HDAC4: variants seen among roughly 807,000 people sequenced by gnomAD.
The protein encoded by HDAC4 is histone deacetylase A.
Under a neutral mutation model 135.1 loss-of-function variants are expected in HDAC4, and 16 were observed. That is an observed-to-expected ratio of 0.12 (90% CI 0.08 to 0.18). The LOEUF (loss-of-function observed/expected upper bound fraction) is 0.18. Among genes scored for constraint, HDAC4 ranks in the 10% least tolerant of loss-of-function variants. The pLI, the probability that HDAC4 is intolerant of heterozygous loss-of-function variation, is 1.00. For missense variants in HDAC4, 1,143 were observed against 1,511.8 expected (o/e 0.76, Z 4.05); for synonymous variants, 685 against 653.4 (o/e 1.05, Z -0.74).
intron 2 of HDAC4, among the ~76,000 whole-genome samples, chr2:239,297,577 G>A: frequency 6.6e-6 from 1 of 152,226 alleles, no homozygotes; most frequent in Admixed American, 6.5e-5. Context: ...ATCCAAAGCA[G>A]GACATGAGAA....
chr2:239,284,324 G>A lies in HDAC4; in HGVS notation c.23-47660C>T, dbSNP rs73100760. 4.0e-3 allele frequency among the ~76,000 whole-genome samples: 612 copies of A among 152,314 alleles called. 4 individuals carry two copies. Among genetic ancestry groups the A allele is most frequent in the African/African-American group, 0.014 (588 of 41,578 alleles). ...GCTGGGTGAGGGACAGAGGGAGCGG[G>A]CCAGGGAGTGGGCAGAGTGAGCCAA... On this transcript the variant is annotated intron_variant, in intron 2 of 26. Transcript: ENST00000543185.
At chr2:239,110,219 G>A (rs755712773) in intron 14 of HDAC4, among the ~76,000 whole-genome samples, 2 of 152,322 alleles carry the variant, frequency 1.3e-5, no homozygotes, top group Non-Finnish European at 2.9e-5. Context: ...GTGGCATTAC[G>A]GGCAAACGGC....
intron 2 of HDAC4, among the ~76,000 whole-genome samples, chr2:239,344,028 A>G (rs1190853601): frequency 6.6e-6 from 1 of 152,216 alleles, no homozygotes; most frequent in Non-Finnish European, 1.5e-5. Flanking sequence ...TGACTGAGCA[A>G]GCAAGTCATC....
intron 25 of HDAC4, among the ~76,000 whole-genome samples, chr2:239,054,252 G>A (rs1382923019): frequency 6.6e-6 from 1 of 152,202 alleles, no homozygotes; most frequent in East Asian, 1.9e-4. Context: ...TGTGGGAGGC[G>A]CCTCTGAGAT....
At chr2:239,277,507 A>G (rs2050438191) in intron 2 of HDAC4, among the ~76,000 whole-genome samples, 1 of 152,190 alleles carries the variant, frequency 6.6e-6, no homozygotes, top group Non-Finnish European at 1.5e-5. Flanking sequence ...CAGTCACGCC[A>G]TGGTGGCCCA....
chr2:239,398,565 C>T (rs534378987), intron 1 of HDAC4, among the ~76,000 whole-genome samples: 5 of 152,272 alleles, frequency 3.3e-5, no homozygotes, highest in Non-Finnish European at 7.3e-5. Flanking sequence ...TCAACGAGGT[C>T]TCTGGCCACA....
chr2:239,391,584 A>T, intron 1 of HDAC4, among the ~76,000 whole-genome samples: 1 of 152,216 alleles, frequency 6.6e-6, no homozygotes, highest in East Asian at 1.9e-4. Flanking sequence ...ACACTCACTC[A>T]GCAGATGACA....
chr2:239,136,836 C>T (rs970107358), intron 9 of HDAC4, among the ~76,000 whole-genome samples: 1 of 152,210 alleles, frequency 6.6e-6, no homozygotes. Context: ...AACAGAAAGC[C>T]CGGCCTTCTC....
chr2:239,325,965 A>T (rs905305044), intron 2 of HDAC4, among the ~76,000 whole-genome samples: 19 of 152,148 alleles, frequency 1.2e-4, no homozygotes, highest in African/African-American at 2.9e-4. Flanking sequence ...GATGAAAAAA[A>T]AATAATAATA....
intron 1 of HDAC4, among the ~76,000 whole-genome samples, chr2:239,388,753 G>C (rs1422460241): frequency 1.3e-5 from 2 of 152,220 alleles, no homozygotes; most frequent in African/African-American, 2.4e-5. Context: ...CCCACTCTAA[G>C]GGCCCCAGGC....
chr2:239,194,303 G>A (rs2045215511), intron 3 of HDAC4, among the ~76,000 whole-genome samples: 1 of 152,204 alleles, frequency 6.6e-6, no homozygotes. Context: ...TGTTCCTTAA[G>A]CTGTTTTCTT....
chr2:239,244,092 C>T (rs1241513970), intron 2 of HDAC4, among the ~76,000 whole-genome samples: 1 of 152,202 alleles, frequency 6.6e-6, no homozygotes, highest in African/African-American at 2.4e-5. Flanking sequence ...GCTGCGTGAA[C>T]ACCTAAGCAA....
At chr2:239,383,654 G>A (rs527638896) in intron 1 of HDAC4, among the ~76,000 whole-genome samples, 2 of 152,072 alleles carry the variant, frequency 1.3e-5, no homozygotes, top group East Asian at 3.9e-4. Flanking sequence ...CTCTGTACCT[G>A]GTGGGAGAAA....
chr2:239,377,351 G>A (rs1032870992), intron 1 of HDAC4, among the ~76,000 whole-genome samples: 1 of 152,148 alleles, frequency 6.6e-6, no homozygotes, highest in Non-Finnish European at 1.5e-5. Context: ...AAATGTCCAG[G>A]GCCTCTGACT....
chr2:239,069,660 T>C (rs1324101525), intron 22 of HDAC4, among the ~76,000 whole-genome samples: 3 of 88,042 alleles, frequency 3.4e-5, no homozygotes, highest in Non-Finnish European at 7.6e-5. Flanking sequence ...TGAGTCACGG[T>C]GCAAGCCAGC....
Position 239,299,777 on chromosome 2 carries a change from A to C in HDAC4, c.22+52901T>G, listed in dbSNP as rs995018721. On this transcript the variant is annotated intron_variant, in intron 2 of 26. Transcript: ENST00000543185. This position sits in a 1 kb window ranked among gnomAD's most constrained non-coding sequence, Gnocchi z 4.0. ...GTCCAGCTGGGGCCCAGGGACTGGC[A>C]CAGCTGTTCCGCTCTGCTCCCGGCA... Among the ~76,000 whole-genome samples the C allele has an allele frequency of 6.6e-6, 1 of 152,164 alleles. No homozygotes were observed. The highest frequency in any genetic ancestry group is 2.4e-5 in the African/African-American group (1 of 41,452).
chr2:239,346,555 TCACACACA>T (rs146910085), intron 2 of HDAC4, among the ~76,000 whole-genome samples: 14 of 85,958 alleles, frequency 1.6e-4, no homozygotes, highest in African/African-American at 3.9e-4. Flanking sequence ...AAACACACCT[TCACACACA>T]CACACACACA....
intron 9 of HDAC4, among the ~76,000 whole-genome samples, chr2:239,138,176 T>C (rs1349328637): frequency 1.3e-5 from 2 of 152,192 alleles, no homozygotes; most frequent in Admixed American, 6.5e-5. Context: ...TTAAAACTTC[T>C]AATCATCTAA....
At chr2:239,234,764 A>T (rs1002334176) in intron 3 of HDAC4, among the ~76,000 whole-genome samples, 2 of 152,192 alleles carry the variant, frequency 1.3e-5, no homozygotes, top group African/African-American at 4.8e-5. Context: ...CCAGGCAGGG[A>T]TCCCATGGCA....
Sources: allele counts gnomAD v4.1 joint callset (sites outside exome capture counted in the v4.1 genomes callset), GRCh38; gene constraint gnomAD v4.1.1; non-coding constraint Gnocchi (gnomAD v3.1); transcripts MANE v1.5; gene names NCBI Gene and HGNC (gene_info 2026-07-23, HGNC 2026-07-21).